RWDD2A: variants seen among roughly 807,000 people sequenced by gnomAD.
The protein encoded by RWDD2A is RWD domain containing 2A, also known as RWD domain-containing protein 2A.
A neutral mutation model predicts 23.1 loss-of-function variants in RWDD2A; 15 were observed. The ratio of observed to expected loss-of-function variants is 0.65; its 90% confidence interval spans 0.43 to 1.00. The LOEUF is 1.00. Ranked by LOEUF, RWDD2A falls within the 50% of genes least tolerant of loss-of-function variation. The pLI, the probability that RWDD2A is intolerant of heterozygous loss-of-function variation, is 0.00. For missense variants in RWDD2A, 310 were observed against 341.7 expected (o/e 0.91, Z 0.73); for synonymous variants, 103 against 123.0 (o/e 0.84, Z 1.08).
In RWDD2A at chr6:83,194,496, G is replaced by A. The variant is rs1789472057; in HGVS notation, c.45G>A (p.Glu15=). Residue 15 remains glutamate (E), a synonymous_variant, in exon 2 of 3, where the codon GAG becomes GAA. Transcript: ENST00000369724. ...VKESLQLQLL[E]MEMLFSMFPN... is the part of the protein sequence containing the mutation. ...AAAGCCTTCAGCTTCAGCTACTGGA[G>A]ATGGAAATGCTGTTTTCTATGTTTC... is the stretch of plus-strand genomic sequence containing the variant. 1 of 1,613,994 alleles carries A rather than the reference G, an allele frequency of 6.2e-7. No homozygotes were observed. Among genetic ancestry groups the A allele is most frequent in the African/African-American group, 1.3e-5 (1 of 74,892 alleles).
rs1174716121 is a variant in RWDD2A at position 83,196,103 on chromosome 6, G to A, written c.710G>A (p.Arg237His). 10 of 1,613,742 alleles carry A rather than the reference G, an allele frequency of 6.2e-6. No homozygotes were observed. Among genetic ancestry groups the A allele is most frequent in the South Asian group, 4.4e-5 (4 of 91,004 alleles). ...VETEGNGEDL[R>H]LFHSFEELLL... ...ACAGAAGGAAATGGTGAGGACCTGC[G>A]CCTTTTCCATTCTTTTGAAGAGTTA... is the stretch of plus-strand genomic sequence containing the variant. The change falls in exon 3 of 3, where the codon CGC (arginine) becomes CAC (histidine). Residue 237 changes from arginine (R) to histidine (H), a missense_variant. Physicochemically the swap from Arg to His is conservative, Grantham distance 29. Transcript: ENST00000369724.
rs959074780 is a variant in RWDD2A, at chr6:83,197,881, C to G, written c.*1609C>G. 1.3e-5 allele frequency: 2 copies of G among 152,244 alleles called. No homozygotes were observed. Among genetic ancestry groups the G allele is most frequent in the Non-Finnish European group, 2.9e-5 (2 of 68,076 alleles). The allele number at this position is 152,244 out of a possible 1,614,324, so 9.4% of individuals were successfully genotyped here. ...TCTTAGGTCACAATGAGTGTCCTCT[C>G]AGGGCACAACTCAGATCTTCAACCC... On this transcript the variant is annotated 3_prime_UTR_variant, in exon 3 of 3. Coordinates refer to ENST00000369724, the MANE Select transcript of RWDD2A (RefSeq NM_033411.5).
At chr6:83,194,248 G>T in intron 1 of RWDD2A, 64 bp from the exon 2 acceptor site, 37 of 521,688 alleles carry the variant, frequency 7.1e-5, no homozygotes, top group South Asian at 2.3e-4. Flanking sequence ...AGAGGATGTT[G>T]TGCATACTAG....
In RWDD2A at chr6:83,195,673, C is replaced by A; in HGVS notation, c.280C>A (p.Leu94Ile). ...GCAGCTGTTTGGACGGTCATCTGAA[C>A]TTGACAGACATCAGCAGCTACTTCT... ...ALQLFGRSSELDRHQQLLLNK... is the reference protein window; with the variant it reads ...ALQLFGRSSEIDRHQQLLLNK... The change falls in exon 3 of 3, where the codon CTT (leucine) becomes ATT (isoleucine). Residue 94 changes from leucine (L) to isoleucine (I), a missense_variant. Transcript: ENST00000369724. 6.2e-7 allele frequency: 1 copy of A among 1,614,210 alleles called. No homozygotes were observed. The highest frequency in any genetic ancestry group is 1.1e-5 in the South Asian group (1 of 91,086).
chr6:83,195,960 A>G lies in RWDD2A; in HGVS notation c.567A>G (p.Thr189=). The G allele has an allele frequency of 6.2e-7, 1 of 1,614,238 alleles. No homozygotes were observed. Among genetic ancestry groups the G allele is most frequent in the Non-Finnish European group, 8.5e-7 (1 of 1,180,040 alleles). Residue 189 remains threonine (T), a synonymous_variant, in exon 3 of 3, where the codon ACA becomes ACG. Coordinates refer to ENST00000369724, the MANE Select transcript of RWDD2A (RefSeq NM_033411.5). ...TAGATGTGACTGGATTTTGCATGACAGGAAAGCCTGGTATAATCTGTGTGG... is the reference window on the plus strand; with the variant it reads ...TAGATGTGACTGGATTTTGCATGACGGGAAAGCCTGGTATAATCTGTGTGG... ...KRLDVTGFCM[T]GKPGIICVEG...
chr6:83,194,398 A>G lies in RWDD2A; in HGVS notation c.-54A>G. ...GCTGGATACCGGCTGGCATTGACAAACCCAGCGTCCCTGAGCCTTGTGAGG... is the reference window on the plus strand; with the variant it reads ...GCTGGATACCGGCTGGCATTGACAAGCCCAGCGTCCCTGAGCCTTGTGAGG... On this transcript the variant is annotated 5_prime_UTR_variant, in exon 2 of 3. Transcript: ENST00000369724. The G allele has an allele frequency of 6.5e-7, 1 of 1,543,650 alleles. No individual in the cohort carries two copies. Among genetic ancestry groups the G allele is most frequent in the Non-Finnish European group, 8.8e-7 (1 of 1,138,910 alleles).
At position 83,194,456 on chromosome 6, in the gene RWDD2A, C is replaced by G. The variant is rs780185498; in HGVS notation, c.5C>G (p.Ser2Cys). 1 of 1,613,666 alleles carries G rather than the reference C, an allele frequency of 6.2e-7. No individual in the cohort carries two copies. Among genetic ancestry groups the G allele is most frequent in the Non-Finnish European group, 8.5e-7 (1 of 1,179,822 alleles). M[S>C]ASVKESLQLQ... ...GCAGGCTGATTGCGAGGCAACATGT[C>G]TGCTTCGGTGAAAGAAAGCCTTCAG... Residue 2 changes from serine (S) to cysteine (C), a missense_variant, in exon 2 of 3, where the codon TCT becomes TGT. Ser to Cys is a moderately radical substitution (Grantham distance 112). Transcript: ENST00000369724.
At position 83,194,609 on chromosome 6, in the gene RWDD2A, C is replaced by G. The variant is rs747211160; in HGVS notation, c.158C>G (p.Pro53Arg). Residue 53 changes from proline (P) to arginine (R), a missense_variant, in exon 2 of 3, where the codon CCA becomes CGA. Coordinates refer to ENST00000369724, the MANE Select transcript of RWDD2A (RefSeq NM_033411.5). ...GAAGGCACAAGGGAGGCGCTGCCAC[C>G]AAAAATCGAATTTGTAATTACACTC... Reference protein sequence around the residue: ...YLEGTREALPPKIEFVITLQI... With the variant: ...YLEGTREALPRKIEFVITLQI... 1 of 1,614,064 alleles carries G rather than the reference C, an allele frequency of 6.2e-7. No individual in the cohort carries two copies. Among genetic ancestry groups the G allele is most frequent in the Admixed American group, 1.7e-5 (1 of 60,006 alleles).
rs532586866 is a variant in RWDD2A at position 83,193,366 on chromosome 6, G to C, written c.-218G>C. ...CCGCCCCCGCCTCGCCGCAGGTCGC[G>C]CGCAGCTGGCGCCTGAGGAACTGCG... On this transcript the variant is annotated 5_prime_UTR_variant, in exon 1 of 3. Transcript: ENST00000369724. 1 of 152,304 alleles carries C rather than the reference G, an allele frequency of 6.6e-6. No individual in the cohort carries two copies. Among genetic ancestry groups the C allele is most frequent in the South Asian group, 2.1e-4 (1 of 4,840 alleles). 9.4% of individuals were successfully genotyped at this position (152,304 alleles called of 1,614,324 possible).
Position 83,198,286 on chromosome 6 carries a change from A to AT in RWDD2A, c.*2015dup, listed in dbSNP as rs1393934320. ...GAAAGATGGGTGTAAAGAAAAGGCAATAAATTCTAGGTTATGAACTCTACT... is the reference window on the plus strand; with the variant it reads ...GAAAGATGGGTGTAAAGAAAAGGCAATTAAATTCTAGGTTATGAACTCTACT... On this transcript the variant is annotated 3_prime_UTR_variant, in exon 3 of 3. Coordinates refer to ENST00000369724, the MANE Select transcript of RWDD2A (RefSeq NM_033411.5). The AT allele has an allele frequency of 6.6e-6, 1 of 152,196 alleles. No homozygotes were observed. Among genetic ancestry groups the AT allele is most frequent in the Non-Finnish European group, 1.5e-5 (1 of 68,030 alleles). The allele number at this position is 152,196 out of a possible 1,614,324, so 9.4% of individuals were successfully genotyped here.
chr6:83,193,522 C>T (rs1789361008), intron 1 of RWDD2A, 79 bp downstream of exon 1: 1 of 152,186 alleles, frequency 6.6e-6, no homozygotes, highest in South Asian at 2.1e-4. Context: ...GAGGCACAGC[C>T]TCCGCCTCCA....
At chr6:83,193,592 T>A (rs2128516068) in intron 1 of RWDD2A, 149 bp downstream of exon 1, 1 of 151,956 alleles carries the variant, frequency 6.6e-6, no homozygotes. Flanking sequence ...TTCCTAGTGG[T>A]CTTGGCTAGG....
chr6:83,196,235 T>C lies in RWDD2A; in HGVS notation c.842T>C (p.Ile281Thr), dbSNP rs1394867058. Reference sequence around the variant, plus strand: ...CACAAAAGTGAGCATGTTTTTCAGATACTATTTGGTATTGAAAGCAAAAGT... The same window carrying C: ...CACAAAAGTGAGCATGTTTTTCAGACACTATTTGGTATTGAAAGCAAAAGT... Reference protein sequence around the residue: ...KKHKSEHVFQILFGIESKSSD... With the variant: ...KKHKSEHVFQTLFGIESKSSD... Residue 281 changes from isoleucine (I) to threonine (T), a missense_variant, in exon 3 of 3, where the codon ATA becomes ACA. Coordinates refer to ENST00000369724, the MANE Select transcript of RWDD2A (RefSeq NM_033411.5). The C allele has an allele frequency of 3.8e-6, 6 of 1,586,714 alleles. No individual in the cohort carries two copies. Among genetic ancestry groups the C allele is most frequent in the Non-Finnish European group, 5.1e-6 (6 of 1,168,510 alleles).
At position 83,194,166 on chromosome 6, in the gene RWDD2A, T is replaced by C. The variant is rs950855847; in HGVS notation, c.-140-146T>C. 4.4e-5 allele frequency: 15 copies of C among 338,472 alleles called. 1 individual carries two copies. The highest frequency in any genetic ancestry group is 3.8e-5 in the Non-Finnish European group (7 of 184,092). The allele number at this position is 338,472 out of a possible 1,614,324, so 21.0% of individuals were successfully genotyped here. A position where few individuals can be genotyped will look rare whatever the true frequency, so the allele number is the denominator to read the frequency against. On this transcript the variant is annotated intron_variant, in intron 1 of 2. Coordinates refer to ENST00000369724, the MANE Select transcript of RWDD2A (RefSeq NM_033411.5). ...CCTGTTGAAAGTGCAGATTCCCCTA[T>C]CTAGTGCGGGGTGCGGGAGGCGGGA...
rs748193855 is a variant in RWDD2A at position 83,198,705 on chromosome 6, C to A, written c.*2433C>A. On this transcript the variant is annotated 3_prime_UTR_variant, in exon 3 of 3. Coordinates refer to ENST00000369724, the MANE Select transcript of RWDD2A (RefSeq NM_033411.5). ...CTTGCTGCTTAAACCTCTAGTGCCA[C>A]CCTCATTTCTGACCTACTGAATGCT... is the stretch of plus-strand genomic sequence containing the variant. 1.3e-5 allele frequency: 2 copies of A among 152,198 alleles called. No individual in the cohort carries two copies. The highest frequency in any genetic ancestry group is 2.9e-5 in the Non-Finnish European group (2 of 68,042). The allele number at this position is 152,198 out of a possible 1,614,324, so 9.4% of individuals were successfully genotyped here.
Position 83,196,299 on chromosome 6 carries a change from AATTTC to A in RWDD2A, c.*29_*33del. Reference sequence around the variant, plus strand: ...AAGCGATTAAGAGGCCTATGCCTGTAATTTCACTAAGTCAGTATTTCTGTTAATAA... The same window carrying A: ...AAGCGATTAAGAGGCCTATGCCTGTAACTAAGTCAGTATTTCTGTTAATAA... On this transcript the variant is annotated 3_prime_UTR_variant, in exon 3 of 3. Transcript: ENST00000369724. The A allele has an allele frequency of 6.7e-7, 1 of 1,485,716 alleles. No individual in the cohort carries two copies. Among genetic ancestry groups the A allele is most frequent in the East Asian group, 2.3e-5 (1 of 43,758 alleles). 92.0% of individuals were successfully genotyped at this position (1,485,716 alleles called of 1,614,324 possible).
chr6:83,195,477 TA>T (rs1789542330), intron 2 of RWDD2A, 117 bp from the exon 3 acceptor site: 37 of 820,876 alleles, frequency 4.5e-5, no homozygotes, highest in Non-Finnish European at 6.6e-5. Context: ...ATCATGTATG[TA>T]AAGTACCTGG....
In RWDD2A at chr6:83,196,372, C is replaced by A; in HGVS notation, c.*100C>A. ...TAGTGGCTGTGTAGCATCCTCAGTG[C>A]AAAACCCAGCTCCAGAATTTTCACC... On this transcript the variant is annotated 3_prime_UTR_variant, in exon 3 of 3. Transcript: ENST00000369724. 3.3e-6 allele frequency: 3 copies of A among 913,618 alleles called. No homozygotes were observed. Among genetic ancestry groups the A allele is most frequent in the South Asian group, 2.8e-5 (1 of 36,090 alleles). The allele number at this position is 913,618 out of a possible 1,614,324, so 56.6% of individuals were successfully genotyped here.
In RWDD2A at chr6:83,194,635, C is replaced by A; in HGVS notation, c.184C>A (p.Gln62Lys). Reference protein sequence around the residue: ...PPKIEFVITLQIEEPKVKIDL... With the variant: ...PPKIEFVITLKIEEPKVKIDL... The stretch of plus-strand genomic sequence containing the variant: ...AAAAATCGAATTTGTAATTACACTC[C>A]AGATTGAAGAGCCCAAGGTAGGTAC... The change falls in exon 2 of 3, where the codon CAG becomes AAG. Residue 62 changes from glutamine (Q) to lysine (K), a missense_variant. Physicochemically the swap from Gln to Lys is moderately conservative, Grantham distance 53 (BLOSUM62 1). Transcript: ENST00000369724. 2 of 1,614,084 alleles carry A rather than the reference C, an allele frequency of 1.2e-6. No individual in the cohort carries two copies. Among genetic ancestry groups the A allele is most frequent in the Non-Finnish European group, 1.7e-6 (2 of 1,179,980 alleles).
Sources: gnomAD v4.1 joint callset for allele counts on GRCh38, gnomAD v4.1.1 for gene constraint, MANE v1.5 for transcripts, NCBI Gene and HGNC (gene_info 2026-07-23, HGNC 2026-07-21) for gene names.